LYST: variants seen among roughly 807,000 people sequenced by gnomAD.
LYST encodes lysosomal-trafficking regulator.
A neutral mutation model predicts 413.6 loss-of-function variants in LYST; 192 were observed. The observed-to-expected ratio is 0.46, with a 90% CI of 0.41 to 0.52. The LOEUF (loss-of-function observed/expected upper bound fraction) is 0.52, where lower values mean the gene tolerates loss of function less well. LYST is among the 20% of genes least tolerant of loss of function. The pLI is 0.00. For missense variants in LYST, 3,815 were observed against 4,499.9 expected (o/e 0.85, Z 4.35); for synonymous variants, 1,525 against 1,567.3 (o/e 0.97, Z 0.64).
intron 16 of LYST, among the ~76,000 whole-genome samples, chr1:235,780,209 T>C (rs1457158842): frequency 6.6e-6 from 1 of 151,920 alleles, no homozygotes; most frequent in African/African-American, 2.4e-5. Context: ...AGTTTGAGAC[T>C]AGTCTGGGCA....
intron 19 of LYST, among the ~76,000 whole-genome samples, chr1:235,772,385 A>G (rs1668795810): frequency 6.6e-6 from 1 of 152,106 alleles, no homozygotes; most frequent in Non-Finnish European, 1.5e-5. Context: ...TAATCTTGTT[A>G]TATTCTAATT....
intron 1 of LYST, among the ~76,000 whole-genome samples, chr1:235,855,489 T>C (rs1386432082): frequency 2.6e-5 from 4 of 152,168 alleles, no homozygotes; most frequent in Non-Finnish European, 4.4e-5. Context: ...CAATAAAATT[T>C]TGGATGCTTA....
At chr1:235,712,810 AT>A (rs1180457405) in intron 42 of LYST, 5 of 984,176 alleles carry the variant, frequency 5.1e-6, no homozygotes, top group African/African-American at 1.8e-5. Flanking sequence ...TCTTTCGTTC[AT>A]TTTTTTTCCA....
Position 235,751,359 on chromosome 1 carries a change from A to G in LYST, c.7631T>C (p.Met2544Thr), listed in dbSNP as rs1371610729. Residue 2544 changes from methionine to threonine, a missense_variant, in exon 28 of 53, where the codon ATG becomes ACG. Around this residue, in one of 4 missense-constraint regions of LYST, gnomAD observed 771 missense variants for 837.1 expected, o/e 0.92. Coordinates refer to ENST00000389793, the MANE Select transcript of LYST (RefSeq NM_000081.4). ...QNSKNKRTQNMAVALQLRVLQ... is the reference protein window; with the variant it reads ...QNSKNKRTQNTAVALQLRVLQ... ...AACTCTAAGCTGTAGTGCAACAGCC[A>G]TATCTAAAAACAGAAGATACTAGAA... 9.3e-6 allele frequency: 15 copies of G among 1,612,856 alleles called. No homozygotes were observed. Among genetic ancestry groups the G allele is most frequent in the Non-Finnish European group, 1.3e-5 (15 of 1,179,212 alleles).
At chr1:235,745,316 T>C (rs983831016) in intron 29 of LYST, among the ~76,000 whole-genome samples, 1 of 152,178 alleles carries the variant, frequency 6.6e-6, no homozygotes, top group African/African-American at 2.4e-5. Context: ...CATTTTAAGT[T>C]TGTACATATA....
chr1:235,683,564 A>G (rs781543648), intron 48 of LYST, among the ~76,000 whole-genome samples: 4 of 152,220 alleles, frequency 2.6e-5, no homozygotes, highest in African/African-American at 7.2e-5. Context: ...GGGTGCTTCA[A>G]CAGAAACTTA....
chr1:235,680,018 T>TAC (rs34599051), intron 48 of LYST, among the ~76,000 whole-genome samples: 49,689 of 150,488 alleles, frequency 0.33, 8,850 homozygotes, highest in Non-Finnish European at 0.41. Flanking sequence ...TATCTATGTA[T>TAC]ACACACACAC....
At position 235,806,122 on chromosome 1, in the gene LYST, T is replaced by C. The variant is rs1291596174; in HGVS notation, c.3014A>G (p.His1005Arg). 21 of 1,613,930 alleles carry C rather than the reference T, an allele frequency of 1.3e-5. No homozygotes were observed. Among genetic ancestry groups the C allele is most frequent in the Non-Finnish European group, 1.7e-5 (20 of 1,180,000 alleles). The change falls in exon 6 of 53, where the codon CAC (histidine) becomes CGC (arginine). Residue 1005 changes from histidine to arginine, a missense_variant. Physicochemically the swap from His to Arg is conservative, Grantham distance 29 (BLOSUM62 0). This residue lies in a region of LYST where 1,648 missense variants were observed against 1,810.3 expected (regional missense o/e 0.91). Transcript: ENST00000389793. ...FMIIQKLFRS[H>R]KEEQGKKEGD... ...CTCCTTTTTTCCTTGCTCCTCTTTGTGACTTCTGAACAGTTTCTGTATTAT... is the reference window on the plus strand; with the variant it reads ...CTCCTTTTTTCCTTGCTCCTCTTTGCGACTTCTGAACAGTTTCTGTATTAT...
intron 52 of LYST, among the ~76,000 whole-genome samples, chr1:235,663,600 T>G (rs1016513412): frequency 4.6e-5 from 7 of 152,256 alleles, no homozygotes; most frequent in African/African-American, 1.7e-4. Flanking sequence ...TATTTCTAAT[T>G]ATTTAAAGTC....
At chr1:235,759,736 G>T (rs1353608710) in intron 22 of LYST, 137 bp from the exon 23 acceptor site, 4 of 679,628 alleles carry the variant, frequency 5.9e-6, no homozygotes, top group Admixed American at 5.1e-5. Context: ...AATTTTACAA[G>T]TAACTAATGC....
At chr1:235,860,481 A>C (rs1679738545) in intron 1 of LYST, among the ~76,000 whole-genome samples, 1 of 152,164 alleles carries the variant, frequency 6.6e-6, no homozygotes, top group Admixed American at 6.5e-5. Flanking sequence ...CGCCCTAAAA[A>C]TCTTCTGTGC....
At chr1:235,724,882 T>C (rs1227692009) in intron 38 of LYST, among the ~76,000 whole-genome samples, 2 of 152,210 alleles carry the variant, frequency 1.3e-5, no homozygotes, top group African/African-American at 2.4e-5. Context: ...GTCAAAAATG[T>C]AGAGGAACTG....
At chr1:235,831,870 TAATA>T (rs1249101263) in intron 2 of LYST, among the ~76,000 whole-genome samples, 1 of 152,178 alleles carries the variant, frequency 6.6e-6, no homozygotes, top group Non-Finnish European at 1.5e-5. Context: ...TATCCAACTT[TAATA>T]TATTTCATTG....
chr1:235,715,493 T>G, intron 41 of LYST, 136 bp from the exon 42 acceptor site: 1 of 790,572 alleles, frequency 1.3e-6, no homozygotes, highest in Non-Finnish European at 2.1e-6. Flanking sequence ...CTCCCACTCT[T>G]ACCCAGGAGA....
chr1:235,882,860 C>A (rs185740054), intron 1 of LYST, among the ~76,000 whole-genome samples: 1 of 152,250 alleles, frequency 6.6e-6, no homozygotes, highest in East Asian at 1.9e-4. Context: ...ACGCCATGAC[C>A]CAGACAAATA....
At chr1:235,688,984 A>AAATAAT (rs35849101) in intron 47 of LYST, among the ~76,000 whole-genome samples, 8,596 of 135,818 alleles carry the variant, frequency 0.063, 281 homozygotes, top group South Asian at 0.1. Flanking sequence ...ACTCCGTCTC[A>AAATAAT]AATAATAATA....
intron 1 of LYST, among the ~76,000 whole-genome samples, chr1:235,838,396 T>C (rs1277916814): frequency 2.0e-5 from 3 of 152,196 alleles, no homozygotes; most frequent in South Asian, 2.1e-4. Context: ...CTAGATATAT[T>C]ACAGCTGCAG....
intron 41 of LYST, among the ~76,000 whole-genome samples, chr1:235,716,190 T>C (rs778420263): frequency 6.6e-6 from 1 of 152,354 alleles, no homozygotes; most frequent in African/African-American, 2.4e-5. Flanking sequence ...TCGTGAAGAA[T>C]GTAATGCGTA....
intron 50 of LYST, among the ~76,000 whole-genome samples, chr1:235,669,777 A>G (rs114747436): frequency 0.025 from 3,730 of 152,196 alleles, 148 homozygotes; most frequent in African/African-American, 0.085. Context: ...TTTTCAATAA[A>G]TTCCTGCTTT....
Sources: allele counts gnomAD v4.1 joint callset (sites outside exome capture counted in the v4.1 genomes callset), GRCh38; gene constraint gnomAD v4.1.1; regional missense constraint gnomAD v4.1.1; transcripts MANE v1.5; gene names NCBI Gene and HGNC (gene_info 2026-07-23, HGNC 2026-07-21).